Variants in FAT4 observed in about 807,000 individuals in gnomAD.
The protein encoded by FAT4 is FAT atypical cadherin 4.
Under a neutral mutation model 303.9 loss-of-function variants are expected in FAT4, and 84 were observed. The ratio of observed to expected loss-of-function variants is 0.28; its 90% confidence interval spans 0.23 to 0.33. FAT4 has a LOEUF of 0.33. FAT4 is among the 10% of genes least tolerant of loss of function. The pLI is 1.00. For missense variants in FAT4, 6,005 were observed against 6,146.8 expected, an observed-to-expected ratio of 0.98 and a Z score of 0.77; for synonymous variants, 2,307 against 2,298.8, an observed-to-expected ratio of 1.00 and a Z score of -0.10.
rs1730618695 is a variant in FAT4, at chr4:125,316,746, C to G, written c.335C>G (p.Ser112Cys). 1 of 1,614,058 alleles carries G rather than the reference C, an allele frequency of 6.2e-7. No homozygotes were observed. Among genetic ancestry groups the G allele is most frequent in the East Asian group, 2.2e-5 (1 of 44,864 alleles). Residue 112 changes from serine (S) to cysteine (C), a missense_variant, in exon 2 of 18, where the codon TCC (serine) becomes TGC (cysteine). Transcript: ENST00000394329. This position sits in a 1 kb window ranked among gnomAD's most constrained non-coding sequence, Gnocchi z 5.7. ...PSDVINLVVLSSAPTYPTEVR... is the reference protein window; with the variant it reads ...PSDVINLVVLCSAPTYPTEVR... ...GACGTGATCAACCTGGTGGTCCTTT[C>G]CAGCGCGCCCACCTACCCCACCGAA...
chr4:125,449,609 A>C lies in FAT4; in HGVS notation c.8599A>C (p.Ile2867Leu). ...STDVTIFVTDINDNAPRFSRT... is the reference protein window; with the variant it reads ...STDVTIFVTDLNDNAPRFSRT... Reference sequence around the variant, plus strand: ...AGATGTCACAATATTTGTGACAGACATCAATGACAATGCTCCAAGATTTAG... The same window carrying C: ...AGATGTCACAATATTTGTGACAGACCTCAATGACAATGCTCCAAGATTTAG... Residue 2867 changes from isoleucine to leucine, a missense_variant, in exon 10 of 18, where the codon ATC (isoleucine) becomes CTC (leucine). Ile to Leu is a conservative substitution (Grantham distance 5). Coordinates refer to ENST00000394329, the MANE Select transcript of FAT4 (RefSeq NM_001291303.3). The C allele has an allele frequency of 6.2e-7, 1 of 1,613,928 alleles. No homozygotes were observed. The highest frequency in any genetic ancestry group is 8.5e-7 in the Non-Finnish European group (1 of 1,179,902).
intron 2 of FAT4, among the ~76,000 whole-genome samples, chr4:125,383,940 GC>G (rs2126000877): frequency 6.6e-6 from 1 of 152,274 alleles, no homozygotes; most frequent in African/African-American, 2.4e-5. Flanking sequence ...CATTGTCACT[GC>G]CCTATCAGAC....
chr4:125,442,319 T>G (rs1019700101), intron 8 of FAT4, among the ~76,000 whole-genome samples: 4 of 151,992 alleles, frequency 2.6e-5, no homozygotes, highest in Admixed American at 6.6e-5. Context: ...GTAATTACCT[T>G]TTTTTTATAT....
Position 125,317,040 on chromosome 4 carries a change from G to T in FAT4, c.629G>T (p.Arg210Leu), listed in dbSNP as rs1353199749. ...LHLVSKGGLD[R>L]EVTPQYQLLV... The stretch of plus-strand genomic sequence containing the variant: ...CTGGTGTCCAAGGGCGGACTGGACC[G>T]TGAGGTCACTCCGCAGTACCAGCTC... Residue 210 changes from arginine (R) to leucine (L), a missense_variant, in exon 2 of 18, where the codon CGT becomes CTT. Transcript: ENST00000394329. This position sits in a 1 kb window ranked among gnomAD's most constrained non-coding sequence, Gnocchi z 7.0. The T allele has an allele frequency of 1.2e-6, 2 of 1,614,060 alleles. No individual in the cohort carries two copies. The highest frequency in any genetic ancestry group is 1.1e-5 in the South Asian group (1 of 91,088).
In FAT4 at chr4:125,321,252, C is replaced by G; in HGVS notation, c.4841C>G (p.Thr1614Ser). Reference sequence around the variant, plus strand: ...CTTGGGCCTGAAAGGAGGAAATCGACCACTGAATTGACCATCATTCTTCAG... The same window carrying G: ...CTTGGGCCTGAAAGGAGGAAATCGAGCACTGAATTGACCATCATTCTTCAG... ...TDLGPERRKS[T>S]TELTIILQGL... Residue 1614 changes from threonine (T) to serine (S), a missense_variant, in exon 2 of 18, where the codon ACC (threonine) becomes AGC (serine). By Grantham distance (58) the Thr-to-Ser change is moderately conservative. Transcript: ENST00000394329. 6.2e-7 allele frequency: 1 copy of G among 1,614,072 alleles called. No individual in the cohort carries two copies. Among genetic ancestry groups the G allele is most frequent in the Non-Finnish European group, 8.5e-7 (1 of 1,179,960 alleles).
intron 2 of FAT4, among the ~76,000 whole-genome samples, chr4:125,389,646 A>G (rs1560793306): frequency 6.6e-6 from 1 of 152,230 alleles, no homozygotes; most frequent in East Asian, 1.9e-4. Context: ...TCTTTCATAG[A>G]ATGAGTTGGT....
chr4:125,483,883 GA>G (rs1727311343), intron 16 of FAT4, among the ~76,000 whole-genome samples: 1 of 149,662 alleles, frequency 6.7e-6, no homozygotes, highest in African/African-American at 2.5e-5. Context: ...AGCTAGTTAG[GA>G]TGGACTTTTA....
intron 2 of FAT4, among the ~76,000 whole-genome samples, chr4:125,340,765 AT>A (rs1012788243): frequency 5.9e-5 from 9 of 152,208 alleles, no homozygotes; most frequent in African/African-American, 2.2e-4. Flanking sequence ...CAGTAGTAGT[AT>A]TAGCAGTAAT....
chr4:125,335,117 G>T (rs1731519813), intron 2 of FAT4, among the ~76,000 whole-genome samples: 1 of 152,162 alleles, frequency 6.6e-6, no homozygotes, highest in Non-Finnish European at 1.5e-5. Context: ...GACAGCTTTG[G>T]ATGGGAGGGA....
rs770564485 is a variant in FAT4, at chr4:125,451,441, C to A, written c.10431C>A (p.Ile3477=). Residue 3477 remains isoleucine, a synonymous_variant, in exon 10 of 18, where the codon ATC becomes ATA. Coordinates refer to ENST00000394329, the MANE Select transcript of FAT4 (RefSeq NM_001291303.3). Reference sequence around the variant, plus strand: ...AATTAGATCGAGAAACCCTTCCCATCTATAATCTCTCAGTTTTGGCTGTTG... The same window carrying A: ...AATTAGATCGAGAAACCCTTCCCATATATAATCTCTCAGTTTTGGCTGTTG... ...TAELDRETLP[I]YNLSVLAVDS... is the part of the protein sequence containing the mutation. 1.2e-6 allele frequency: 2 copies of A among 1,614,150 alleles called. No homozygotes were observed. The highest frequency in any genetic ancestry group is 1.7e-6 in the Non-Finnish European group (2 of 1,180,024).
intron 8 of FAT4, among the ~76,000 whole-genome samples, chr4:125,437,334 G>A (rs1488591671): frequency 6.6e-6 from 1 of 152,166 alleles, no homozygotes; most frequent in Non-Finnish European, 1.5e-5. Context: ...GTTAAGGTAG[G>A]AGTTAAGAAG....
chr4:125,318,212 G>C lies in FAT4; in HGVS notation c.1801G>C (p.Glu601Gln). The change falls in exon 2 of 18, where the codon GAA becomes CAA. Residue 601 changes from glutamate to glutamine, a missense_variant. By Grantham distance (29) the Glu-to-Gln change is conservative. Coordinates refer to ENST00000394329, the MANE Select transcript of FAT4 (RefSeq NM_001291303.3). Reference sequence around the variant, plus strand: ...GGTTGAGAATGCCCCAACAGGGACAGAACTGTTGATGCTCAGGGCAACTGA... The same window carrying C: ...GGTTGAGAATGCCCCAACAGGGACACAACTGTTGATGCTCAGGGCAACTGA... ...SVVENAPTGT[E>Q]LLMLRATDGD... is the part of the protein sequence containing the mutation. 2 of 1,614,210 alleles carry C rather than the reference G, an allele frequency of 1.2e-6. No homozygotes were observed. The highest frequency in any genetic ancestry group is 1.3e-5 in the African/African-American group (1 of 75,066).
At chr4:125,369,219 C>T (rs1041431067) in intron 2 of FAT4, among the ~76,000 whole-genome samples, 6 of 152,144 alleles carry the variant, frequency 3.9e-5, no homozygotes, top group African/African-American at 1.2e-4. Flanking sequence ...ATCAGCAGAC[C>T]TCTAATCTGA....
chr4:125,366,282 T>C (rs1312033775), intron 2 of FAT4, among the ~76,000 whole-genome samples: 1 of 152,162 alleles, frequency 6.6e-6, no homozygotes, highest in Non-Finnish European at 1.5e-5. Context: ...CCCCAGTATG[T>C]GTTGTTCCCT....
chr4:125,362,364 G>A lies in FAT4; in HGVS notation c.5176-36420G>A, dbSNP rs146154140. Among the ~76,000 whole-genome samples, 1,069 of 152,122 alleles carry A rather than the reference G, an allele frequency of 7.0e-3. 16 individuals carry two copies. The highest frequency in any genetic ancestry group is 0.025 in the African/African-American group (1,027 of 41,514). ...AAGAGAACATTCTGAGAACCTAGCC[G>A]GACATCAGGTATACATTGAAAGATA... On this transcript the variant is annotated intron_variant, in intron 2 of 17. Transcript: ENST00000394329.
Position 125,346,755 on chromosome 4 carries a change from T to G in FAT4, c.5175+25169T>G, listed in dbSNP as rs548700437. Reference sequence around the variant, plus strand: ...TTTCATGGGAAGACTAACTCTGGCCTGCTCGCATATTCAGAGGCCAAACAA... The same window carrying G: ...TTTCATGGGAAGACTAACTCTGGCCGGCTCGCATATTCAGAGGCCAAACAA... On this transcript the variant is annotated intron_variant, in intron 2 of 17. Coordinates refer to ENST00000394329, the MANE Select transcript of FAT4 (RefSeq NM_001291303.3). Among the ~76,000 whole-genome samples, 8 of 152,164 alleles carry G rather than the reference T, an allele frequency of 5.3e-5. No homozygotes were observed. The East Asian group carries it at 1.5e-3, about 29-fold the overall frequency.
Position 125,415,439 on chromosome 4 carries a change from A to G in FAT4, c.6476A>G (p.Tyr2159Cys), listed in dbSNP as rs770168908. The stretch of plus-strand genomic sequence containing the variant: ...AACCCCATCTTTGCACAAGCTTTGT[A>G]TAAAGTGGAGATTAATGAAAACACA... ...DNNPIFAQALYKVEINENTLT... is the reference protein window; with the variant it reads ...DNNPIFAQALCKVEINENTLT... The change falls in exon 6 of 18, where the codon TAT becomes TGT. Residue 2159 changes from tyrosine to cysteine, a missense_variant. Tyr to Cys is a radical substitution (Grantham distance 194, BLOSUM62 -2). Coordinates refer to ENST00000394329, the MANE Select transcript of FAT4 (RefSeq NM_001291303.3). The G allele has an allele frequency of 6.2e-7, 1 of 1,614,136 alleles. No individual in the cohort carries two copies. The highest frequency in any genetic ancestry group is 8.5e-7 in the Non-Finnish European group (1 of 1,179,996).
At chr4:125,325,903 C>T (rs760394727) in intron 2 of FAT4, among the ~76,000 whole-genome samples, 1 of 152,082 alleles carries the variant, frequency 6.6e-6, no homozygotes, top group Non-Finnish European at 1.5e-5. Flanking sequence ...GCATAAATGC[C>T]AACACAGTGA....
intron 4 of FAT4, 128 bp downstream of exon 4, chr4:125,407,269 A>G: frequency 1.2e-6 from 1 of 824,116 alleles, no homozygotes; most frequent in Non-Finnish European, 1.9e-6. Context: ...AAAAATATAT[A>G]TGCTGGATTG....
Sources: allele counts gnomAD v4.1 joint callset (sites outside exome capture counted in the v4.1 genomes callset), GRCh38; gene constraint gnomAD v4.1.1; non-coding constraint Gnocchi (gnomAD v3.1); transcripts MANE v1.5; gene names NCBI Gene and HGNC (gene_info 2026-07-23, HGNC 2026-07-21).